The following FAT3 variants were observed in gnomAD, a reference collection of about 807,000 sequenced individuals.
FAT3 encodes protocadherin Fat 3.
A neutral mutation model predicts 310.2 loss-of-function variants in FAT3; 95 were observed. The observed-to-expected ratio is 0.31, with a 90% CI of 0.26 to 0.36. FAT3 has a LOEUF of 0.36. FAT3 is among the 10% of genes least tolerant of loss of function. The pLI is 1.00. For missense variants in FAT3, 5,408 were observed against 5,715.6 expected (o/e 0.95, Z 1.74); for synonymous variants, 2,314 against 2,192.9 (o/e 1.06, Z -1.54).
chr11:92,584,316 C>A (rs1565433161), intron 3 of FAT3, among the ~76,000 whole-genome samples: 1 of 151,970 alleles, frequency 6.6e-6, no homozygotes, highest in African/African-American at 2.4e-5. Context: ...TTGAATTCTG[C>A]AAAGATCTAT....
intron 1 of FAT3, among the ~76,000 whole-genome samples, chr11:92,249,371 T>C (rs781218274): frequency 2.0e-4 from 31 of 152,120 alleles, no homozygotes; most frequent in Non-Finnish European, 4.4e-5. Context: ...ATCTGAAATA[T>C]GTCTCTCACT....
chr11:92,279,785 C>T (rs1454740167), intron 1 of FAT3, among the ~76,000 whole-genome samples: 2 of 152,126 alleles, frequency 1.3e-5, no homozygotes, highest in African/African-American at 2.4e-5. Context: ...TTAGAACTTA[C>T]ACCTTCTGAC....
intron 3 of FAT3, among the ~76,000 whole-genome samples, chr11:92,613,409 A>C (rs1940659508): frequency 6.6e-6 from 1 of 152,124 alleles, no homozygotes; most frequent in African/African-American, 2.4e-5. Flanking sequence ...TTTAAAAAAA[A>C]CTAAGTTTAA....
intron 2 of FAT3, among the ~76,000 whole-genome samples, chr11:92,502,577 T>G (rs1359129696): frequency 3.3e-5 from 5 of 152,044 alleles, no homozygotes; most frequent in Admixed American, 6.6e-5. Flanking sequence ...TTTTAAGACA[T>G]GTGAAGCAGA....
At chr11:92,630,692 A>G (rs1237985958) in intron 3 of FAT3, among the ~76,000 whole-genome samples, 1 of 152,098 alleles carries the variant, frequency 6.6e-6, no homozygotes, top group Non-Finnish European at 1.5e-5. Flanking sequence ...CCTCCTAAAT[A>G]TTTCTTGGAT....
chr11:92,293,489 T>G (rs1250943210), intron 1 of FAT3, among the ~76,000 whole-genome samples: 2 of 145,516 alleles, frequency 1.4e-5, no homozygotes, highest in African/African-American at 5.0e-5. Flanking sequence ...TAACCAGTTT[T>G]CAATTTGAAG....
intron 3 of FAT3, among the ~76,000 whole-genome samples, chr11:92,588,756 G>A (rs1214620132): frequency 6.6e-6 from 1 of 151,004 alleles, no homozygotes; most frequent in Non-Finnish European, 1.5e-5. Context: ...AAAGCAAATA[G>A]TATGTGACAC....
intron 2 of FAT3, among the ~76,000 whole-genome samples, chr11:92,447,053 A>G (rs896180891): frequency 1.3e-5 from 2 of 152,192 alleles, no homozygotes; most frequent in Non-Finnish European, 2.9e-5. Flanking sequence ...GAGTTCACAT[A>G]CTACAGAACA....
intron 3 of FAT3, among the ~76,000 whole-genome samples, chr11:92,531,679 C>G (rs1954078652): frequency 6.6e-6 from 1 of 151,924 alleles, no homozygotes; most frequent in African/African-American, 2.4e-5. Context: ...AACCAGCCTT[C>G]CTCTGGGGCT....
At chr11:92,620,569 C>A (rs971773952) in intron 3 of FAT3, among the ~76,000 whole-genome samples, 3 of 152,106 alleles carry the variant, frequency 2.0e-5, no homozygotes, top group African/African-American at 7.2e-5. Context: ...AAATTTCAGT[C>A]AAACCGTCTT....
intron 3 of FAT3, among the ~76,000 whole-genome samples, chr11:92,608,312 C>G (rs558692217): frequency 6.6e-6 from 1 of 152,106 alleles, no homozygotes; most frequent in Admixed American, 6.5e-5. Context: ...TTTTATGTTA[C>G]GAGGATATTG....
chr11:92,330,772 C>T (rs546928459), intron 1 of FAT3, among the ~76,000 whole-genome samples: 1 of 151,998 alleles, frequency 6.6e-6, no homozygotes, highest in South Asian at 2.1e-4. Flanking sequence ...GCTATTATGC[C>T]TACAAAATGT....
At chr11:92,567,303 C>A (rs886965152) in intron 3 of FAT3, among the ~76,000 whole-genome samples, 1 of 144,902 alleles carries the variant, frequency 6.9e-6, no homozygotes, top group African/African-American at 2.6e-5. Flanking sequence ...CATCACTGGC[C>A]ATCAGAGAAA....
intron 3 of FAT3, among the ~76,000 whole-genome samples, chr11:92,582,432 A>G (rs1251595681): frequency 6.6e-6 from 1 of 151,942 alleles, no homozygotes; most frequent in Non-Finnish European, 1.5e-5. Flanking sequence ...ATCCTAAAAT[A>G]TTATCCTAAA....
chr11:92,717,605 A>AC (rs1486450820), intron 4 of FAT3, among the ~76,000 whole-genome samples: 1 of 152,232 alleles, frequency 6.6e-6, no homozygotes, highest in Non-Finnish European at 1.5e-5. Flanking sequence ...TAATGTATGA[A>AC]CATATATGGA....
chr11:92,836,740 T>C (rs1948419368), intron 16 of FAT3, 37 bp downstream of exon 16: 1 of 1,593,734 alleles, frequency 6.3e-7, no homozygotes, highest in South Asian at 1.1e-5. Flanking sequence ...CCCATCCACA[T>C]CCACCACTTT....
intron 3 of FAT3, among the ~76,000 whole-genome samples, chr11:92,558,874 A>G (rs2135462095): frequency 6.6e-6 from 1 of 152,198 alleles, no homozygotes; most frequent in South Asian, 2.1e-4. Flanking sequence ...AGAGGGTATT[A>G]ATATCAGTGA....
intron 1 of FAT3, among the ~76,000 whole-genome samples, chr11:92,304,812 G>A (rs1330776134): frequency 6.6e-6 from 1 of 152,128 alleles, no homozygotes; most frequent in Non-Finnish European, 1.5e-5. Flanking sequence ...TGGTAAGCAG[G>A]TGTGAGGTCT....
At chr11:92,741,023 C>T (rs1449775559) in intron 4 of FAT3, among the ~76,000 whole-genome samples, 1 of 152,064 alleles carries the variant, frequency 6.6e-6, no homozygotes, top group Non-Finnish European at 1.5e-5. Context: ...AACGTCTGCC[C>T]TCAGAGAACT....
Sources: allele counts gnomAD v4.1 joint callset (sites outside exome capture counted in the v4.1 genomes callset), GRCh38; gene constraint gnomAD v4.1.1; transcripts MANE v1.5; gene names NCBI Gene and HGNC (gene_info 2026-07-23, HGNC 2026-07-21).